The following KIF26B variants were observed in gnomAD, a reference collection of about 807,000 sequenced individuals.
KIF26B encodes the protein kinesin family member 26B, also known as kinesin-like protein KIF26B.
In KIF26B, 63 loss-of-function variants were observed where a neutral mutation model predicts 151.2. The ratio of observed to expected loss-of-function variants is 0.42; its 90% CI spans 0.34 to 0.51. The LOEUF (loss-of-function observed/expected upper bound fraction) is 0.51. Ranked by LOEUF, KIF26B falls within the 20% of genes least tolerant of loss-of-function variation. KIF26B has a pLI of 0.07. For synonymous variants in KIF26B, 1,357 were observed against 1,262.1 expected (o/e 1.08, Z -1.59); for missense variants, 2,813 against 2,913.6 (o/e 0.97, Z 0.79).
intron 2 of KIF26B, among the ~76,000 whole-genome samples, chr1:245,360,670 A>C (rs533997193): frequency 6.6e-6 from 1 of 152,322 alleles, no homozygotes; most frequent in East Asian, 1.9e-4. Context: ...AAAGTTTTCA[A>C]AATAGTCAAC....
intron 2 of KIF26B, among the ~76,000 whole-genome samples, chr1:245,233,952 C>T (rs915405330): frequency 2.6e-5 from 4 of 152,162 alleles, no homozygotes; most frequent in East Asian, 1.9e-4. Flanking sequence ...GAGGCTGAGG[C>T]GGGCAGATCA....
At position 245,521,931 on chromosome 1, in the gene KIF26B, G is replaced by A. The variant is rs934579572; in HGVS notation, c.1167-18836G>A. On this transcript the variant is annotated intron_variant, in intron 4 of 14. Transcript: ENST00000407071. ...CCCAGGCTGGATGGAGTGCAGTGGT[G>A]CGATCTCGGCTCACTGCAAGCTCTG... Among the ~76,000 whole-genome samples the A allele has an allele frequency of 5.6e-5, 8 of 143,242 alleles. No homozygotes were observed. In the East Asian group the frequency reaches 9.9e-4, roughly 18 times the overall value. 94.0% of individuals were successfully genotyped at this position (143,242 alleles called of 152,430 possible). A position where few individuals can be genotyped will look rare whatever the true frequency, so the allele number is the denominator to read the frequency against.
At chr1:245,662,305 CTATA>C (rs1267903879) in intron 10 of KIF26B, among the ~76,000 whole-genome samples, 12 of 146,536 alleles carry the variant, frequency 8.2e-5, no homozygotes, top group Non-Finnish European at 1.5e-4. Context: ...CACACACACC[CTATA>C]TATATTTACA....
rs10924128 is a variant in KIF26B, at chr1:245,228,450, C to T, written c.465+71767C>T. ...GCCTGGAGGCGCATGCCTGTAATCC[C>T]AGCTACTTGGGAGGCTGAGGCAGGA... On this transcript the variant is annotated intron_variant, in intron 2 of 14. Coordinates refer to ENST00000407071, the MANE Select transcript of KIF26B (RefSeq NM_018012.4). 4.1e-3 allele frequency among the ~76,000 whole-genome samples: 617 copies of T among 152,128 alleles called. 19 individuals carry two copies. The East Asian group carries it at 0.091, about 23-fold the overall frequency.
intron 2 of KIF26B, among the ~76,000 whole-genome samples, chr1:245,177,977 A>G (rs1220046127): frequency 2.6e-5 from 4 of 152,184 alleles, no homozygotes; most frequent in African/African-American, 9.7e-5. Flanking sequence ...GCCTCCACGT[A>G]GGAAAGGTCT....
chr1:245,203,951 C>T (rs1669349730), intron 2 of KIF26B, among the ~76,000 whole-genome samples: 1 of 152,218 alleles, frequency 6.6e-6, no homozygotes, highest in African/African-American at 2.4e-5. Context: ...GACCTGCTAT[C>T]AACCAAAGCT....
intron 5 of KIF26B, among the ~76,000 whole-genome samples, chr1:245,599,314 A>G (rs1013911551): frequency 6.6e-6 from 1 of 152,244 alleles, no homozygotes; most frequent in African/African-American, 2.4e-5. Flanking sequence ...TGCAAAGAAA[A>G]GAATGGAGTG....
chr1:245,371,615 C>G (rs1055214499), intron 3 of KIF26B: 7 of 152,168 alleles, frequency 4.6e-5, no homozygotes, highest in Non-Finnish European at 8.8e-5. Flanking sequence ...CAGCAGTGAG[C>G]CTGGGGAAAT....
chr1:245,541,683 A>G (rs538963573), intron 5 of KIF26B, among the ~76,000 whole-genome samples: 2 of 152,342 alleles, frequency 1.3e-5, no homozygotes, highest in East Asian at 3.9e-4. Context: ...TATCAAAAGT[A>G]GGAGTGGTGC....
rs375751511 is a variant in KIF26B, at chr1:245,684,227, T to C, written c.2259-6T>C. ...CTAATGCAGCCTAATTCACTTTGTT[T>C]GGCAGAGAGAGCAAGCTCGCCATGT... On this transcript the variant is annotated splice_region_variant and splice_polypyrimidine_tract_variant and intron_variant, in intron 10 of 14. Coordinates refer to ENST00000407071, the MANE Select transcript of KIF26B (RefSeq NM_018012.4). The C allele has an allele frequency of 2.5e-6, 4 of 1,610,912 alleles. No homozygotes were observed. Among genetic ancestry groups the C allele is most frequent in the Non-Finnish European group, 3.4e-6 (4 of 1,177,498 alleles).
intron 5 of KIF26B, among the ~76,000 whole-genome samples, chr1:245,590,667 G>C (rs1161556918): frequency 1.3e-5 from 2 of 152,164 alleles, no homozygotes; most frequent in African/African-American, 4.8e-5. Flanking sequence ...CAGCACGTTG[G>C]GAGTCCAAGG....
At chr1:245,243,949 T>C (rs970989421) in intron 2 of KIF26B, among the ~76,000 whole-genome samples, 1 of 152,196 alleles carries the variant, frequency 6.6e-6, no homozygotes, top group Non-Finnish European at 1.5e-5. Flanking sequence ...TTTCCCTTTT[T>C]TGACTTTTGA....
intron 12 of KIF26B, among the ~76,000 whole-genome samples, chr1:245,689,759 T>C (rs560713626): frequency 7.9e-5 from 12 of 152,158 alleles, no homozygotes; most frequent in Admixed American, 2.6e-4. Flanking sequence ...GGTTTTACCA[T>C]GTTGACCAGG....
At position 245,163,914 on chromosome 1, in the gene KIF26B, A is replaced by G. The variant is rs143313294; in HGVS notation, c.465+7231A>G. ...ATTGGTACTCTTGGATTTTCAAAAA[A>G]TTTTGTCTTCTTCAAATACAGATAT... On this transcript the variant is annotated intron_variant, in intron 2 of 14. Coordinates refer to ENST00000407071, the MANE Select transcript of KIF26B (RefSeq NM_018012.4). 3.7e-4 allele frequency among the ~76,000 whole-genome samples: 56 copies of G among 152,284 alleles called. No homozygotes were observed. The East Asian group carries it at 0.011, about 29-fold the overall frequency.
intron 2 of KIF26B, among the ~76,000 whole-genome samples, chr1:245,157,388 T>G (rs1427209144): frequency 4.6e-5 from 7 of 152,222 alleles, no homozygotes; most frequent in African/African-American, 1.7e-4. Context: ...TCATATTTAC[T>G]CGGCCACTTC....
chr1:245,694,326 C>T (rs1035384735), intron 12 of KIF26B, among the ~76,000 whole-genome samples: 12 of 152,234 alleles, frequency 7.9e-5, no homozygotes, highest in African/African-American at 2.9e-4. Flanking sequence ...TTCCTTTCAA[C>T]ATTAGTGCCT....
At chr1:245,476,527 TTTACTTACTTAC>T (rs140608728) in intron 4 of KIF26B, among the ~76,000 whole-genome samples, 3 of 127,872 alleles carry the variant, frequency 2.3e-5, no homozygotes, top group Non-Finnish European at 4.8e-5. Flanking sequence ...TATTTATTTA[TTTACTTACTTAC>T]TTACTTACTT....
At chr1:245,619,534 G>T (rs941711362) in intron 9 of KIF26B, among the ~76,000 whole-genome samples, 22 of 148,060 alleles carry the variant, frequency 1.5e-4, no homozygotes, top group Non-Finnish European at 2.8e-4. Flanking sequence ...GGAGTCAGAG[G>T]TTACAGGGTT....
intron 6 of KIF26B, among the ~76,000 whole-genome samples, chr1:245,607,061 C>T (rs568400570): frequency 1.8e-5 from 2 of 108,974 alleles, no homozygotes; most frequent in African/African-American, 8.1e-5. Context: ...ACTGAAACTC[C>T]GTCTCAAAAA....
Sources: allele counts gnomAD v4.1 joint callset (sites outside exome capture counted in the v4.1 genomes callset), GRCh38; gene constraint gnomAD v4.1.1; transcripts MANE v1.5; gene names NCBI Gene and HGNC (gene_info 2026-07-23, HGNC 2026-07-21).